LOXL2: variants seen among roughly 807,000 people sequenced by gnomAD.
The protein encoded by LOXL2 is lysyl oxidase homolog 2.
A neutral mutation model predicts 93.0 loss-of-function variants in LOXL2; 70 were observed. The ratio of observed to expected loss-of-function variants is 0.75; its 90% CI spans 0.62 to 0.92. The LOEUF is 0.92. Among genes scored for constraint, LOXL2 ranks in the 40% least tolerant of loss-of-function variants. LOXL2 has a pLI of 0.00. For synonymous variants in LOXL2, 438 were observed against 413.2 expected (o/e 1.06, Z -0.73); for missense variants, 973 against 1,054.9 (o/e 0.92, Z 1.08).
chr8:23,341,234 T>G (rs1585359115), intron 3 of LOXL2, 31 bp from the exon 4 acceptor site: 5 of 1,557,130 alleles, frequency 3.2e-6, no homozygotes, highest in Non-Finnish European at 4.4e-6. Context: ...AAGGAGAGGG[T>G]TACCCTACTG....
intron 1 of LOXL2, among the ~76,000 whole-genome samples, chr8:23,396,124 G>A (rs1342001785): frequency 6.6e-6 from 1 of 152,102 alleles, no homozygotes; most frequent in Non-Finnish European, 1.5e-5. Context: ...TTCGGGAGCA[G>A]CCTGACCAAC....
chr8:23,387,688 G>A (rs968712914), intron 1 of LOXL2, among the ~76,000 whole-genome samples: 2 of 152,214 alleles, frequency 1.3e-5, no homozygotes, highest in Non-Finnish European at 2.9e-5. Context: ...GGTGGCTCAT[G>A]CCTGTAATCC....
intron 1 of LOXL2, among the ~76,000 whole-genome samples, chr8:23,370,106 G>A (rs1804471390): frequency 6.6e-6 from 1 of 152,112 alleles, no homozygotes; most frequent in Admixed American, 6.5e-5. Flanking sequence ...GCCTTTATGT[G>A]TGGCACGTGC....
chr8:23,309,219 G>A (rs1446677602), intron 10 of LOXL2, among the ~76,000 whole-genome samples: 3 of 151,966 alleles, frequency 2.0e-5, no homozygotes, highest in Non-Finnish European at 2.9e-5. Context: ...TCCTGACCTC[G>A]TGATCCGCCC....
chr8:23,304,493 A>G (rs1248673540), intron 10 of LOXL2, among the ~76,000 whole-genome samples: 1 of 152,132 alleles, frequency 6.6e-6, no homozygotes, highest in Non-Finnish European at 1.5e-5. Context: ...CATTACAGGG[A>G]CATTTGGAAA....
intron 5 of LOXL2, chr8:23,329,090 A>G (rs1260745646): frequency 6.5e-6 from 1 of 153,148 alleles, no homozygotes; most frequent in Non-Finnish European, 1.5e-5. Flanking sequence ...GCCTGCAGAG[A>G]CTCCAAAGTA....
At chr8:23,337,353 A>G (rs1017279022) in intron 4 of LOXL2, 1 of 152,346 alleles carries the variant, frequency 6.6e-6, no homozygotes, top group Admixed American at 6.5e-5. Flanking sequence ...GAGTGATCAC[A>G]GCTCCTCAAG....
rs1800110802 is a variant in LOXL2, at chr8:23,397,792, A to G, written c.-84+6162T>C. Among the ~76,000 whole-genome samples, 3 of 150,736 alleles carry G rather than the reference A, an allele frequency of 2.0e-5. No individual in the cohort carries two copies. The South Asian group carries it at 6.3e-4, about 32-fold the overall frequency. On this transcript the variant is annotated intron_variant, in intron 1 of 13. Transcript: ENST00000389131. ...AGACTCTGTCTCAAAAAAAAAAAAA[A>G]AAAAGAAAGAAATATGCTTTTCCGT...
intron 3 of LOXL2, among the ~76,000 whole-genome samples, chr8:23,351,210 C>T (rs1015344361): frequency 2.6e-5 from 4 of 152,182 alleles, no homozygotes; most frequent in African/African-American, 9.7e-5. Context: ...GGGATGGGGT[C>T]GGGGGATTCC....
intron 13 of LOXL2, 71 bp downstream of exon 13, chr8:23,298,765 C>A: frequency 1.1e-6 from 1 of 908,684 alleles, no homozygotes; most frequent in Non-Finnish European, 1.8e-6. Flanking sequence ...AATTAGGAAG[C>A]TGCCTCTGGG....
rs1185917698 is a variant in LOXL2, at chr8:23,297,344, G to T, written c.*699C>A. On this transcript the variant is annotated 3_prime_UTR_variant, in exon 14 of 14. Coordinates refer to ENST00000389131, the MANE Select transcript of LOXL2 (RefSeq NM_002318.3). ...AGGAAGATGAGTCACTTACACAGTG[G>T]GTTGGTTTTTCCTTAGATTTGTACT... The T allele has an allele frequency of 2.0e-5, 3 of 152,266 alleles. No homozygotes were observed. In the East Asian group the frequency reaches 5.8e-4, roughly 29 times the overall value. 9.4% of individuals were successfully genotyped at this position (152,266 alleles called of 1,614,324 possible).
rs748123483 is a variant in LOXL2 at position 23,360,235 on chromosome 8, G to A, written c.386C>T (p.Thr129Ile). The A allele has an allele frequency of 2.5e-5, 40 of 1,612,490 alleles. No individual in the cohort carries two copies. The highest frequency in any genetic ancestry group is 6.7e-5 in the Admixed American group (4 of 59,924). The change falls in exon 3 of 14, where the codon ACT becomes ATT. Residue 129 changes from threonine to isoleucine, a missense_variant. By Grantham distance (89) the Thr-to-Ile change is moderately conservative. Coordinates refer to ENST00000389131, the MANE Select transcript of LOXL2 (RefSeq NM_002318.3). ...GPIWLDNLHC[T>I]GNEATLAACT... ...TGCTGCAAGGGTCGCCTCGTTGCCA[G>A]TACAGTGGAGATTGTCTAACCAGAT...
At chr8:23,349,618 T>C (rs1176996691) in intron 3 of LOXL2, among the ~76,000 whole-genome samples, 2 of 152,058 alleles carry the variant, frequency 1.3e-5, no homozygotes, top group Admixed American at 6.5e-5. Flanking sequence ...ACTGGCATTC[T>C]GGTGACTCAT....
At chr8:23,332,428 A>T (rs1358991711) in intron 5 of LOXL2, among the ~76,000 whole-genome samples, 25 of 124,914 alleles carry the variant, frequency 2.0e-4, no homozygotes, top group African/African-American at 7.1e-4. Context: ...ACACCCACAA[A>T]CACACCCCAC....
intron 4 of LOXL2, among the ~76,000 whole-genome samples, chr8:23,340,043 GAA>G (rs1803855708): frequency 6.6e-6 from 1 of 152,200 alleles, no homozygotes; most frequent in South Asian, 2.1e-4. Context: ...GATTTGGAAG[GAA>G]AGAGACAGTG....
intron 1 of LOXL2, among the ~76,000 whole-genome samples, chr8:23,387,526 T>C (rs1357860631): frequency 1.3e-5 from 2 of 152,252 alleles, no homozygotes; most frequent in Non-Finnish European, 2.9e-5. Context: ...CGGCATGGAC[T>C]AGCGGCTTAG....
At chr8:23,383,657 GTT>G (rs968347697) in intron 1 of LOXL2, among the ~76,000 whole-genome samples, 6 of 22,262 alleles carry the variant, frequency 2.7e-4, no homozygotes, top group African/African-American at 1.0e-3. Flanking sequence ...TTTTTTTTTT[GTT>G]TTTTTTTTTT....
Position 23,368,250 on chromosome 8 carries a change from G to C in LOXL2, c.102C>G (p.Pro34=). ...CAGGAGCCGGTTGCTGGAAGTACTC[G>C]GGGTAATGGGGCCAGCTGTCATACT... ...LAQYDSWPHY[P]EYFQQPAPEY... Residue 34 remains proline, a synonymous_variant, in exon 2 of 14, where the codon CCC becomes CCG. Transcript: ENST00000389131. The C allele has an allele frequency of 6.2e-7, 1 of 1,613,906 alleles. No individual in the cohort carries two copies. The highest frequency in any genetic ancestry group is 8.5e-7 in the Non-Finnish European group (1 of 1,180,002).
chr8:23,359,007 AT>A (rs993528134), intron 3 of LOXL2, among the ~76,000 whole-genome samples: 7 of 150,424 alleles, frequency 4.7e-5, no homozygotes, highest in Non-Finnish European at 7.4e-5. Context: ...ACGTCTGGCT[AT>A]TTTTTTTTCT....
Sources: allele counts gnomAD v4.1 joint callset (sites outside exome capture counted in the v4.1 genomes callset), GRCh38; gene constraint gnomAD v4.1.1; transcripts MANE v1.5; gene names NCBI Gene and HGNC (gene_info 2026-07-23, HGNC 2026-07-21).